The following WWOX variants were observed in gnomAD, a reference collection of about 807,000 sequenced individuals.
WWOX encodes the protein WW domain containing oxidoreductase, also known as WW domain-containing oxidoreductase.
Under a neutral mutation model 46.2 loss-of-function variants are expected in WWOX, and 69 were observed. The observed-to-expected ratio is 1.49, with a 90% CI of 1.23 to 1.82. The LOEUF (loss-of-function observed/expected upper bound fraction) is 1.82. Ranked by LOEUF, WWOX falls within the 40% of genes most tolerant of loss-of-function variation. WWOX has a pLI of 0.00. For synonymous variants in WWOX, 359 were observed against 202.6 expected, an observed-to-expected ratio of 1.77 and a Z score of -6.56; for missense variants, 919 against 542.6, an observed-to-expected ratio of 1.69 and a Z score of -6.89.
chr16:78,461,667 T>C (rs966491844), intron 8 of WWOX, among the ~76,000 whole-genome samples: 4 of 152,228 alleles, frequency 2.6e-5, no homozygotes, highest in African/African-American at 9.6e-5. Context: ...AGGTCACGCC[T>C]GAATACCTTC....
Position 79,211,603 on chromosome 16 carries a change from T to G in WWOX, c.1057-5T>G. The G allele has an allele frequency of 6.2e-7, 1 of 1,614,224 alleles. No homozygotes were observed. Among genetic ancestry groups the G allele is most frequent in the Non-Finnish European group, 8.5e-7 (1 of 1,180,052 alleles). ...TTTTTTTTGTCTTTCTTCTTGGATT[T>G]CCAGCAACAGGGAGCTGCCACCACC... On this transcript the variant is annotated splice_region_variant and splice_polypyrimidine_tract_variant and intron_variant, in intron 8 of 8. Coordinates refer to ENST00000566780, the MANE Select transcript of WWOX (RefSeq NM_016373.4).
At chr16:78,776,205 AAAC>A (rs1005145766) in intron 8 of WWOX, among the ~76,000 whole-genome samples, 1 of 152,148 alleles carries the variant, frequency 6.6e-6, no homozygotes, top group African/African-American at 2.4e-5. Context: ...CTTTCTCTAG[AAAC>A]AACTTTTGTG....
chr16:78,462,849 T>C (rs2738656), intron 8 of WWOX, among the ~76,000 whole-genome samples: 49,694 of 152,068 alleles, frequency 0.33, 10,748 homozygotes, highest in African/African-American at 0.62. Flanking sequence ...AGACAACATC[T>C]AAATTTTTGT....
intron 8 of WWOX, among the ~76,000 whole-genome samples, chr16:79,196,960 T>C (rs986591343): frequency 1.3e-5 from 2 of 152,128 alleles, no homozygotes; most frequent in African/African-American, 4.8e-5. Flanking sequence ...ATCTCTGAAA[T>C]GGGGTTATTA....
intron 5 of WWOX, among the ~76,000 whole-genome samples, chr16:78,285,563 A>G (rs576932125): frequency 4.1e-4 from 62 of 152,344 alleles, no homozygotes; most frequent in African/African-American, 1.1e-3. Context: ...CTGTTAAGCA[A>G]AGTCAAGTGC....
intron 8 of WWOX, chr16:78,826,140 A>G (rs576445841): frequency 6.4e-4 from 170 of 264,946 alleles, no homozygotes; most frequent in Admixed American, 1.1e-3. Context: ...CGATCACTTG[A>G]GGTCAAGAGT....
chr16:79,059,181 A>G (rs779228547), intron 8 of WWOX, among the ~76,000 whole-genome samples: 2 of 152,234 alleles, frequency 1.3e-5, no homozygotes, highest in African/African-American at 4.8e-5. Context: ...TTGTGTTTGC[A>G]AGAAATGGAT....
chr16:79,195,106 T>G (rs1365014321), intron 8 of WWOX, among the ~76,000 whole-genome samples: 2 of 152,132 alleles, frequency 1.3e-5, no homozygotes, highest in Admixed American at 1.3e-4. Flanking sequence ...ATCTCAGATT[T>G]ACAGAGGAGA....
chr16:78,100,059 TTGG>T (rs1313205050), intron 1 of WWOX, 174 bp downstream of exon 1: 121 of 1,403,996 alleles, frequency 8.6e-5, no homozygotes, highest in Non-Finnish European at 1.1e-4. Context: ...GCCGGCCCCC[TTGG>T]TGGGCCTCGG....
intron 5 of WWOX, among the ~76,000 whole-genome samples, chr16:78,342,362 A>C (rs2081032022): frequency 1.7e-5 from 2 of 121,054 alleles, no homozygotes; most frequent in Admixed American, 1.6e-4. Context: ...GTGAAGGCAG[A>C]CTTGAAGGGG....
intron 8 of WWOX, among the ~76,000 whole-genome samples, chr16:78,814,606 C>G (rs764721191): frequency 6.6e-6 from 1 of 152,118 alleles, no homozygotes; most frequent in Non-Finnish European, 1.5e-5. Context: ...CAAGATGTAT[C>G]CTTTGTGGAT....
intron 8 of WWOX, among the ~76,000 whole-genome samples, chr16:78,679,517 C>A (rs1427374895): frequency 2.0e-5 from 3 of 152,082 alleles, no homozygotes; most frequent in Non-Finnish European, 4.4e-5. Context: ...CACCACTGCA[C>A]TCCAGCCTGG....
intron 8 of WWOX, among the ~76,000 whole-genome samples, chr16:79,144,259 G>A (rs113228571): frequency 0.023 from 3,492 of 152,230 alleles, 54 homozygotes; most frequent in Non-Finnish European, 0.027. Flanking sequence ...CAATCCCCCA[G>A]CTGTGTGGGC....
Position 78,498,443 on chromosome 16 carries a change from A to C in WWOX, c.1056+65691A>C, listed in dbSNP as rs143124807. 1.6e-4 allele frequency among the ~76,000 whole-genome samples: 24 copies of C among 152,262 alleles called. No individual in the cohort carries two copies. In the East Asian group the frequency reaches 4.5e-3, roughly 28 times the overall value. ...TCAGGAAGAGCCCCTTTTCTAAACC[A>C]CACATGGCCTGCTCACAAATCTTAT... On this transcript the variant is annotated intron_variant, in intron 8 of 8. Transcript: ENST00000566780.
intron 8 of WWOX, among the ~76,000 whole-genome samples, chr16:78,654,143 A>G (rs2047028077): frequency 6.6e-6 from 1 of 152,248 alleles, no homozygotes; most frequent in African/African-American, 2.4e-5. Context: ...CAAGATGAGC[A>G]CAGGATTTAG....
At chr16:78,644,077 C>T (rs75356899) in intron 8 of WWOX, among the ~76,000 whole-genome samples, 2 of 152,120 alleles carry the variant, frequency 1.3e-5, no homozygotes, top group African/African-American at 4.8e-5. Context: ...ACAAAATTAG[C>T]CAGACATGGT....
chr16:78,772,359 A>G (rs907125132), intron 8 of WWOX, among the ~76,000 whole-genome samples: 3 of 152,212 alleles, frequency 2.0e-5, no homozygotes, highest in East Asian at 3.8e-4. Context: ...GTGTTCTCGC[A>G]GAAGACATGA....
At chr16:79,174,708 G>A (rs1302100896) in intron 8 of WWOX, among the ~76,000 whole-genome samples, 1 of 152,188 alleles carries the variant, frequency 6.6e-6, no homozygotes, top group Non-Finnish European at 1.5e-5. Context: ...CCTAAGCACT[G>A]AGGTGAAATG....
chr16:78,502,038 A>C (rs1416775461), intron 8 of WWOX, among the ~76,000 whole-genome samples: 3 of 152,010 alleles, frequency 2.0e-5, no homozygotes, highest in Non-Finnish European at 4.4e-5. Flanking sequence ...TCGTAGCCTG[A>C]CTCAGGGTTT....
Sources: allele counts gnomAD v4.1 joint callset (sites outside exome capture counted in the v4.1 genomes callset), GRCh38; gene constraint gnomAD v4.1.1; transcripts MANE v1.5; gene names NCBI Gene and HGNC (gene_info 2026-07-23, HGNC 2026-07-21).